RRP1B: variants seen among roughly 807,000 people sequenced by gnomAD.
The protein encoded by RRP1B is ribosomal RNA processing protein 1 homolog B.
Under a neutral mutation model 80.2 loss-of-function variants are expected in RRP1B, and 56 were observed. That is an observed-to-expected ratio of 0.70 (90% CI 0.56 to 0.87). The LOEUF (loss-of-function observed/expected upper bound fraction) is 0.87, where lower values mean the gene tolerates loss of function less well. RRP1B is among the 40% of genes least tolerant of loss of function. RRP1B has a pLI of 0.00. For missense variants in RRP1B, 807 were observed against 939.8 expected, an observed-to-expected ratio of 0.86 and a Z score of 1.85; for synonymous variants, 351 against 357.6, an observed-to-expected ratio of 0.98 and a Z score of 0.21.
chr21:43,680,285 C>T (rs1173751295), intron 8 of RRP1B, among the ~76,000 whole-genome samples: 2 of 152,042 alleles, frequency 1.3e-5, no homozygotes, highest in African/African-American at 4.8e-5. Context: ...GTCGGCCGGG[C>T]GCGGTGGCCC....
At chr21:43,684,518 C>G in intron 9 of RRP1B, 35 bp from the exon 10 acceptor site, 1 of 1,575,468 alleles carries the variant, frequency 6.3e-7, no homozygotes. Context: ...TGTTGTTTGG[C>G]TGCAGACTTA....
chr21:43,683,249 A>C (rs564738691), intron 8 of RRP1B, 30 bp from the exon 9 acceptor site: 4 of 1,555,770 alleles, frequency 2.6e-6, no homozygotes, highest in Non-Finnish European at 3.5e-6. Flanking sequence ...TGATATGTCA[A>C]TAATTTGGTC....
At chr21:43,682,579 G>A (rs1397387447) in intron 8 of RRP1B, among the ~76,000 whole-genome samples, 1 of 152,212 alleles carries the variant, frequency 6.6e-6, no homozygotes. Flanking sequence ...TGAGACTAGG[G>A]CCGGATTCCT....
chr21:43,679,038 C>T (rs2083032998), intron 8 of RRP1B, among the ~76,000 whole-genome samples: 1 of 152,106 alleles, frequency 6.6e-6, no homozygotes, highest in Admixed American at 6.5e-5. Flanking sequence ...TTTTTGTTTG[C>T]TTGGTTGAGG....
In RRP1B at chr21:43,669,939, G is replaced by A. The variant is rs1333159352; in HGVS notation, c.186G>A (p.Met62Ile). The change falls in exon 2 of 16, where the codon ATG becomes ATA. Residue 62 changes from methionine (M) to isoleucine (I), a missense_variant. By Grantham distance (10) the Met-to-Ile change is conservative. Transcript: ENST00000340648. ...TCTGGAAGGGGCTCTTCTACTGCAT[G>A]TGGGTGCAGGATGAACCCCTTCTAC... ...LKIWKGLFYC[M>I]WVQDEPLLQE... The A allele has an allele frequency of 6.2e-7, 1 of 1,613,084 alleles. No homozygotes were observed. Among genetic ancestry groups the A allele is most frequent in the Admixed American group, 1.7e-5 (1 of 59,978 alleles).
intron 8 of RRP1B, among the ~76,000 whole-genome samples, chr21:43,682,598 G>C (rs918356073): frequency 6.6e-6 from 1 of 152,222 alleles, no homozygotes; most frequent in Non-Finnish European, 1.5e-5. Flanking sequence ...CTGCGTCCAT[G>C]CTCCTACCCC....
chr21:43,661,703 C>G (rs1418569466), intron 1 of RRP1B, among the ~76,000 whole-genome samples: 1 of 152,212 alleles, frequency 6.6e-6, no homozygotes, highest in Non-Finnish European at 1.5e-5. Context: ...CCCACATCAC[C>G]AATATTTTTT....
chr21:43,663,403 C>T (rs2082965994), intron 1 of RRP1B, among the ~76,000 whole-genome samples: 1 of 152,064 alleles, frequency 6.6e-6, no homozygotes, highest in South Asian at 2.1e-4. Flanking sequence ...GTAGCGAGCG[C>T]CCACCACCAC....
At chr21:43,663,254 C>T (rs1200966003) in intron 1 of RRP1B, among the ~76,000 whole-genome samples, 3 of 152,086 alleles carry the variant, frequency 2.0e-5, no homozygotes, top group Non-Finnish European at 4.4e-5. Flanking sequence ...TTGATGTTTA[C>T]CTCGTTTGTT....
chr21:43,674,611 T>TTTAAAAAAAAA, intron 4 of RRP1B, 25 bp from the exon 5 acceptor site: 2 of 1,430,198 alleles, frequency 1.4e-6, no homozygotes, highest in Non-Finnish European at 1.9e-6. Context: ...TTTTTTTTTT[T>TTTAAAAAAAAA]TAAACAAAAA....
intron 2 of RRP1B, among the ~76,000 whole-genome samples, chr21:43,671,386 T>TA (rs36005231): frequency 7.9e-4 from 119 of 150,848 alleles, no homozygotes; most frequent in Non-Finnish European, 1.5e-3. Flanking sequence ...TTTTTTTTTT[T>TA]ACAGAGTTTC....
chr21:43,688,468 T>G (rs2083073397), intron 13 of RRP1B, among the ~76,000 whole-genome samples: 1 of 152,216 alleles, frequency 6.6e-6, no homozygotes, highest in Non-Finnish European at 1.5e-5. Context: ...GGCCACATGC[T>G]TGGGTTCGGG....
intron 1 of RRP1B, among the ~76,000 whole-genome samples, chr21:43,664,691 G>A (rs2082971490): frequency 1.3e-5 from 2 of 152,180 alleles, no homozygotes; most frequent in African/African-American, 2.4e-5. Flanking sequence ...ACACTCCGGA[G>A]ACTGGGTAAT....
chr21:43,670,385 G>A lies in RRP1B; in HGVS notation c.213+419G>A, dbSNP rs376860626. Among the ~76,000 whole-genome samples, 30 of 152,340 alleles carry A rather than the reference G, an allele frequency of 2.0e-4. No homozygotes were observed. In the East Asian group the frequency reaches 4.6e-3, roughly 24 times the overall value. On this transcript the variant is annotated intron_variant, in intron 2 of 15. Coordinates refer to ENST00000340648, the MANE Select transcript of RRP1B (RefSeq NM_015056.3). The stretch of plus-strand genomic sequence containing the variant: ...GGGTTCCATGGAGAGCAGCAGTAGC[G>A]CTCAGCGAAAGCCTCCCTGTTAAAG...
Position 43,688,197 on chromosome 21 carries a change from AC to A in RRP1B, c.1824del (p.His608GlnfsTer24). On this transcript the variant is annotated frameshift_variant, in exon 13 of 16. Coordinates refer to ENST00000340648, the MANE Select transcript of RRP1B (RefSeq NM_015056.3). LOFTEE classifies it high-confidence loss of function. Reference sequence around the variant, plus strand: ...AGAGTGATGTCAAACTTGGTGGAGCACAACGGGGTGCTGGAGTCCGAAGCTG... The same window carrying A: ...AGAGTGATGTCAAACTTGGTGGAGCAAACGGGGTGCTGGAGTCCGAAGCTG... ...KMRVMSNLVE[H>X]NGVLESEAGQ... The A allele has an allele frequency of 6.3e-7, 1 of 1,575,200 alleles. No homozygotes were observed. Among genetic ancestry groups the A allele is most frequent in the Non-Finnish European group, 8.6e-7 (1 of 1,159,606 alleles).
Position 43,691,277 on chromosome 21 carries a change from C to A in RRP1B, c.2020-162C>A, listed in dbSNP as rs1285562722. Among the ~76,000 whole-genome samples the A allele has an allele frequency of 2.6e-5, 4 of 152,198 alleles. No homozygotes were observed. The highest frequency in any genetic ancestry group is 9.6e-5 in the African/African-American group (4 of 41,458). On this transcript the variant is annotated intron_variant, in intron 14 of 15. Coordinates refer to ENST00000340648, the MANE Select transcript of RRP1B (RefSeq NM_015056.3). This position sits in a 1 kb window ranked among gnomAD's most constrained non-coding sequence, Gnocchi z 4.2. ...GAAGCCCCGACAGGAGGGTCGGTTT[C>A]AGTCTTGGCCGCAGTCCCTTTGGCC...
At chr21:43,668,996 A>T (rs2082989218) in intron 1 of RRP1B, among the ~76,000 whole-genome samples, 1 of 152,242 alleles carries the variant, frequency 6.6e-6, no homozygotes, top group Non-Finnish European at 1.5e-5. Context: ...CTGGTCACTC[A>T]ATCATAGATC....
chr21:43,670,029 C>A, intron 2 of RRP1B, 63 bp downstream of exon 2: 2 of 1,239,968 alleles, frequency 1.6e-6, no homozygotes, highest in East Asian at 2.4e-5. Context: ...GAGACTTGAT[C>A]ACTCATGCTG....
At chr21:43,685,186 T>C (rs765469201) in intron 10 of RRP1B, among the ~76,000 whole-genome samples, 43 of 152,130 alleles carry the variant, frequency 2.8e-4, no homozygotes, top group Non-Finnish European at 6.0e-4. Context: ...CTGAGCACTT[T>C]GTATACATTC....
Sources: allele counts gnomAD v4.1 joint callset (sites outside exome capture counted in the v4.1 genomes callset), GRCh38; gene constraint gnomAD v4.1.1; non-coding constraint Gnocchi (gnomAD v3.1); transcripts MANE v1.5; gene names NCBI Gene and HGNC (gene_info 2026-07-23, HGNC 2026-07-21).